The following CD86 variants were observed in gnomAD, a reference collection of about 807,000 sequenced individuals.
The protein encoded by CD86 is T-lymphocyte activation antigen CD86.
CD86 carries 11 observed loss-of-function variants against 32.1 expected under a neutral mutation model. The ratio of observed to expected loss-of-function variants is 0.34; its 90% CI spans 0.22 to 0.57. CD86 has a LOEUF of 0.57. CD86 is among the 20% of genes least tolerant of loss of function. The pLI, the probability that CD86 is intolerant of heterozygous loss-of-function variation, is 0.86. For synonymous variants in CD86, 137 were observed against 135.3 expected, an observed-to-expected ratio of 1.01 and a Z score of -0.09; for missense variants, 359 against 398.4, an observed-to-expected ratio of 0.90 and a Z score of 0.84.
In CD86 at chr3:122,055,396, G is replaced by T; in HGVS notation, c.-94G>T. The T allele has an allele frequency of 7.8e-7, 1 of 1,280,910 alleles. No homozygotes were observed. The highest frequency in any genetic ancestry group is 1.2e-5 in the South Asian group (1 of 83,328). The allele number at this position is 1,280,910 out of a possible 1,614,324, so 79.3% of individuals were successfully genotyped here. ...CGAGGAAGGCTTGCACAGGGTGAAAGCTTTGCTTCTCTGCTGCTGTAACAG... is the reference window on the plus strand; with the variant it reads ...CGAGGAAGGCTTGCACAGGGTGAAATCTTTGCTTCTCTGCTGCTGTAACAG... On this transcript the variant is annotated 5_prime_UTR_variant, in exon 1 of 7. Coordinates refer to ENST00000330540, the MANE Select transcript of CD86 (RefSeq NM_175862.5).
intron 1 of CD86, among the ~76,000 whole-genome samples, chr3:122,078,519 C>T (rs1435859001): frequency 6.6e-6 from 1 of 152,134 alleles, no homozygotes; most frequent in African/African-American, 2.4e-5. Context: ...TTGACCTTTC[C>T]CTTCTCTGGT....
chr3:122,118,141 G>T, intron 6 of CD86, 48 bp downstream of exon 6: 1 of 1,502,794 alleles, frequency 6.7e-7, no homozygotes, highest in Non-Finnish European at 9.3e-7. Context: ...ATAATCCCCA[G>T]AGTGCCTGTT....
At chr3:122,062,718 A>G (rs1170437420) in intron 1 of CD86, among the ~76,000 whole-genome samples, 3 of 152,188 alleles carry the variant, frequency 2.0e-5, no homozygotes, top group African/African-American at 7.2e-5. Context: ...TGGGAAGCCT[A>G]TTAGCTTCCT....
rs772975462 is a variant in CD86 at position 122,103,859 on chromosome 3, A to G, written c.400+12A>G. ...ACTGTCAGTGCTTGGTATGTGGTCAATGGTGTGTGTTCAGATTCTTAGCCT... is the reference window on the plus strand; with the variant it reads ...ACTGTCAGTGCTTGGTATGTGGTCAGTGGTGTGTGTTCAGATTCTTAGCCT... On this transcript the variant is annotated intron_variant, in intron 3 of 6. Coordinates refer to ENST00000330540, the MANE Select transcript of CD86 (RefSeq NM_175862.5). 8 of 1,597,024 alleles carry G rather than the reference A, an allele frequency of 5.0e-6. No individual in the cohort carries two copies. Among genetic ancestry groups the G allele is most frequent in the African/African-American group, 1.3e-5 (1 of 74,534 alleles).
chr3:122,065,784 T>G (rs1433750295), intron 1 of CD86, among the ~76,000 whole-genome samples: 1 of 151,952 alleles, frequency 6.6e-6, no homozygotes, highest in African/African-American at 2.4e-5. Context: ...TTTGAGGAAA[T>G]AAGATTCTAA....
intron 1 of CD86, among the ~76,000 whole-genome samples, chr3:122,065,225 C>T (rs1448826101): frequency 2.0e-5 from 3 of 152,130 alleles, no homozygotes; most frequent in African/African-American, 7.2e-5. Context: ...GACATTACTT[C>T]TAGCAGCAAG....
In CD86 at chr3:122,103,528, G is replaced by C; in HGVS notation, c.81G>C (p.Lys27Asn). 1.2e-6 allele frequency: 2 copies of C among 1,611,728 alleles called. No individual in the cohort carries two copies. The highest frequency in any genetic ancestry group is 1.7e-6 in the Non-Finnish European group (2 of 1,178,828). Residue 27 changes from lysine to asparagine, a missense_variant, in exon 3 of 7, where the codon AAG (lysine) becomes AAC (asparagine). Lys to Asn is a moderately conservative substitution (Grantham distance 94). Coordinates refer to ENST00000330540, the MANE Select transcript of CD86 (RefSeq NM_175862.5). ...AFLLSGAAPL[K>N]IQAYFNETAD... ...CTTTTTTAGGTGCTGCTCCTCTGAAGATTCAAGCTTATTTCAATGAGACTG... is the reference window on the plus strand; with the variant it reads ...CTTTTTTAGGTGCTGCTCCTCTGAACATTCAAGCTTATTTCAATGAGACTG...
At chr3:122,085,001 T>G (rs2072692859) in intron 1 of CD86, among the ~76,000 whole-genome samples, 3 of 152,238 alleles carry the variant, frequency 2.0e-5, no homozygotes, top group African/African-American at 7.2e-5. Context: ...TTTACATTTC[T>G]CTGTATGATT....
At chr3:122,077,695 T>A (rs969834224) in intron 1 of CD86, 6 of 876,112 alleles carry the variant, frequency 6.8e-6, no homozygotes, top group Non-Finnish European at 8.2e-6. Flanking sequence ...TGGATGGGGC[T>A]CCCTTTGGGG....
rs1576785656 is a variant in CD86, at chr3:122,109,453, A to G, written c.847+45A>G. 8 of 1,609,172 alleles carry G rather than the reference A, an allele frequency of 5.0e-6. No individual in the cohort carries two copies. In the East Asian group the frequency reaches 1.3e-4, roughly 27 times the overall value. ...CCCCACAGACTGTCACTTTGCACCT[A>G]CTTCCCAATCGGCTGGCTGCCTTCC... On this transcript the variant is annotated intron_variant, in intron 5 of 6. Transcript: ENST00000330540.
At chr3:122,079,012 C>T (rs898411866) in intron 1 of CD86, among the ~76,000 whole-genome samples, 2 of 152,076 alleles carry the variant, frequency 1.3e-5, no homozygotes, top group Non-Finnish European at 2.9e-5. Context: ...TTATTTATTC[C>T]TAATATAGTT....
intron 1 of CD86, among the ~76,000 whole-genome samples, chr3:122,090,555 G>T (rs549505119): frequency 7.9e-5 from 12 of 152,276 alleles, no homozygotes; most frequent in African/African-American, 2.9e-4. Context: ...CCTTGTCCTT[G>T]GCTCTGTATC....
At chr3:122,084,293 A>G (rs888698044) in intron 1 of CD86, among the ~76,000 whole-genome samples, 2 of 152,134 alleles carry the variant, frequency 1.3e-5, no homozygotes, top group African/African-American at 2.4e-5. Context: ...GGCCTGTTTT[A>G]TATTCTTACT....
chr3:122,070,253 G>A (rs900630680), intron 1 of CD86, among the ~76,000 whole-genome samples: 3 of 152,090 alleles, frequency 2.0e-5, no homozygotes, highest in South Asian at 2.1e-4. Context: ...GAAATTGATC[G>A]AATGCAAGAA....
At chr3:122,078,418 G>A (rs1001398668) in intron 1 of CD86, among the ~76,000 whole-genome samples, 4 of 152,114 alleles carry the variant, frequency 2.6e-5, no homozygotes, top group South Asian at 2.1e-4. Flanking sequence ...AGCTCGCCTC[G>A]CCTGAGTCCC....
intron 1 of CD86, among the ~76,000 whole-genome samples, chr3:122,074,812 A>G (rs2072534816): frequency 6.6e-6 from 1 of 152,064 alleles, no homozygotes; most frequent in Non-Finnish European, 1.5e-5. Flanking sequence ...CAGTCCTGAG[A>G]GCGTTGGAGA....
chr3:122,114,173 C>T (rs990516363), intron 5 of CD86, among the ~76,000 whole-genome samples: 3 of 152,058 alleles, frequency 2.0e-5, no homozygotes, highest in Non-Finnish European at 4.4e-5. Flanking sequence ...ATCGCTTGAA[C>T]CTGGGAGGCA....
intron 1 of CD86, chr3:122,086,628 G>A (rs1233194605): frequency 2.5e-5 from 12 of 473,794 alleles, no homozygotes; most frequent in Non-Finnish European, 5.1e-5. Context: ...TTAAAGTGGA[G>A]AAGTACTCTC....
intron 1 of CD86, among the ~76,000 whole-genome samples, chr3:122,060,124 T>C (rs2072311232): frequency 6.6e-6 from 1 of 152,170 alleles, no homozygotes; most frequent in African/African-American, 2.4e-5. Flanking sequence ...AAGCTGTGAA[T>C]AAGTGCATCA....
Sources: gnomAD v4.1 joint callset for allele counts (sites outside exome capture counted in the v4.1 genomes callset) on GRCh38, gnomAD v4.1.1 for gene constraint, MANE v1.5 for transcripts, NCBI Gene and HGNC (gene_info 2026-07-23, HGNC 2026-07-21) for gene names.